CHST15: variants seen among roughly 807,000 people sequenced by gnomAD.
CHST15 encodes the protein B cell RAG associated protein (GALNAC4S-6ST).
CHST15 carries 30 observed loss-of-function variants against 53.6 expected under a neutral mutation model. The observed-to-expected ratio is 0.56, with a 90% CI of 0.42 to 0.76. The LOEUF is 0.76. Among genes scored for constraint, CHST15 ranks in the 30% least tolerant of loss-of-function variants. CHST15 has a pLI of 0.00. For missense variants in CHST15, 627 were observed against 740.5 expected (o/e 0.85, Z 1.78); for synonymous variants, 296 against 289.8 (o/e 1.02, Z -0.22).
Position 124,044,724 on chromosome 10 carries a change from A to C in CHST15, c.742T>G (p.Phe248Val), listed in dbSNP as rs531511922. 2.5e-6 allele frequency: 4 copies of C among 1,613,740 alleles called. No homozygotes were observed. The highest frequency in any genetic ancestry group is 1.7e-4 in the Middle Eastern group (1 of 6,056). ...GHLAHAHGKH[F>V]RLRCLPHFYI... ...AAGTGCGGCAGGCAGCGCAGGCGGA[A>C]GTGCTTCCCGTGCGCGTGCGCCAGG... The change falls in exon 3 of 8, where the codon TTC (phenylalanine) becomes GTC (valine). Residue 248 changes from phenylalanine (F) to valine (V), a missense_variant. This residue lies in a region of CHST15 where 161 missense variants were observed against 117.2 expected (regional missense o/e 1.37). Coordinates refer to ENST00000435907, the MANE Select transcript of CHST15 (RefSeq NM_001270764.2).
intron 1 of CHST15, among the ~76,000 whole-genome samples, chr10:124,059,942 C>A (rs76409295): frequency 0.016 from 2,505 of 152,188 alleles, 77 homozygotes; most frequent in East Asian, 0.1. Flanking sequence ...TAGAGCCAGG[C>A]GAGTGGAGTT....
At chr10:124,085,626 A>G (rs1949395855) in intron 1 of CHST15, among the ~76,000 whole-genome samples, 1 of 152,244 alleles carries the variant, frequency 6.6e-6, no homozygotes, top group African/African-American at 2.4e-5. Context: ...ATGTACCGTG[A>G]GCCCCAGACA....
In CHST15 at chr10:124,046,160, T is replaced by A. The variant is rs781491426; in HGVS notation, c.53A>T (p.Lys18Met). 3 of 1,614,028 alleles carry A rather than the reference T, an allele frequency of 1.9e-6. No homozygotes were observed. The East Asian group carries it at 6.7e-5, about 36-fold the overall frequency. ...GCCCCCTTGGCAGTTGACCTGCTGCTTGTGTGCGCCGTCGGGTAACAGCTG... is the reference window on the plus strand; with the variant it reads ...GCCCCCTTGGCAGTTGACCTGCTGCATGTGTGCGCCGTCGGGTAACAGCTG... ...CIQLLPDGAH[K>M]QQVNCQGGPH... The change falls in exon 2 of 8, where the codon AAG becomes ATG. Residue 18 changes from lysine (K) to methionine (M), a missense_variant. Physicochemically the swap from Lys to Met is moderately conservative, Grantham distance 95. This residue lies in a region of CHST15 where 187 missense variants were observed against 251.8 expected (regional missense o/e 0.74). Transcript: ENST00000435907.
chr10:124,055,342 G>A (rs929139097), intron 1 of CHST15, among the ~76,000 whole-genome samples: 7 of 152,054 alleles, frequency 4.6e-5, no homozygotes, highest in South Asian at 2.1e-4. Flanking sequence ...AGGAGCCCAC[G>A]TAAGAGCTCA....
chr10:124,033,416 G>A (rs1399338114), intron 5 of CHST15, among the ~76,000 whole-genome samples: 1 of 152,224 alleles, frequency 6.6e-6, no homozygotes, highest in Admixed American at 6.5e-5. Flanking sequence ...CTGAGGATCA[G>A]GTGCAGAACG....
At position 124,044,782 on chromosome 10, in the gene CHST15, G is replaced by C. The variant is rs745655048; in HGVS notation, c.684C>G (p.Thr228=). 6.2e-7 allele frequency: 1 copy of C among 1,610,798 alleles called. No homozygotes were observed. The highest frequency in any genetic ancestry group is 1.1e-5 in the South Asian group (1 of 90,680). ...YVLYSKRFRS[T]FDALRKAFWG... is the part of the protein sequence containing the mutation. Reference sequence around the variant, plus strand: ...AGAAGGCCTTGCGCAGGGCGTCGAAGGTGGAGCGGAAGCGCTTGGAGTAGA... The same window carrying C: ...AGAAGGCCTTGCGCAGGGCGTCGAACGTGGAGCGGAAGCGCTTGGAGTAGA... The change falls in exon 3 of 8, where the codon ACC becomes ACG. Residue 228 remains threonine, a synonymous_variant. Coordinates refer to ENST00000435907, the MANE Select transcript of CHST15 (RefSeq NM_001270764.2).
At chr10:124,031,476 C>T (rs987247834) in intron 5 of CHST15, among the ~76,000 whole-genome samples, 3 of 152,242 alleles carry the variant, frequency 2.0e-5, no homozygotes, top group African/African-American at 4.8e-5. Context: ...CAGCCTGTAC[C>T]GCAGGAATCC....
Position 124,047,765 on chromosome 10 carries a change from C to T in CHST15, c.-512-1041G>A, listed in dbSNP as rs1251209778. On this transcript the variant is annotated intron_variant, in intron 1 of 7. Coordinates refer to ENST00000435907, the MANE Select transcript of CHST15 (RefSeq NM_001270764.2). ...TATTTAGCATACCATAAAAGGTAGACAGCATTGATAATAATAGCATCATCA... is the reference window on the plus strand; with the variant it reads ...TATTTAGCATACCATAAAAGGTAGATAGCATTGATAATAATAGCATCATCA... Among the ~76,000 whole-genome samples the T allele has an allele frequency of 2.0e-5, 3 of 152,188 alleles. No homozygotes were observed. In the East Asian group the frequency reaches 5.8e-4, roughly 29 times the overall value.
At chr10:124,025,394 G>A (rs958512861) in intron 5 of CHST15, among the ~76,000 whole-genome samples, 2 of 152,218 alleles carry the variant, frequency 1.3e-5, no homozygotes, top group Non-Finnish European at 2.9e-5. Context: ...TTCCTCGGCT[G>A]GATGAAAAGA....
At chr10:124,047,202 G>GT (rs985929350) in intron 1 of CHST15, among the ~76,000 whole-genome samples, 1 of 152,152 alleles carries the variant, frequency 6.6e-6, no homozygotes, top group Non-Finnish European at 1.5e-5. Flanking sequence ...GAGAAAATGT[G>GT]TTTTTTCCCT....
Position 124,021,236 on chromosome 10 carries a change from CGGGGG to C in CHST15, c.1347+15_1347+19del. 17 of 1,286,672 alleles carry C rather than the reference CGGGGG, an allele frequency of 1.3e-5. No homozygotes were observed. The highest frequency in any genetic ancestry group is 1.8e-5 in the Non-Finnish European group (17 of 950,010). The allele number at this position is 1,286,672 out of a possible 1,614,324, so 79.7% of individuals were successfully genotyped here. ...CTGCCAGGGGCCAGCTCGGGGGGTACGGGGGGGGGGGGTACACACAGGCATGGCGT... is the reference window on the plus strand; with the variant it reads ...CTGCCAGGGGCCAGCTCGGGGGGTACGGGGGGGTACACACAGGCATGGCGT... On this transcript the variant is annotated intron_variant, in intron 6 of 7. Coordinates refer to ENST00000435907, the MANE Select transcript of CHST15 (RefSeq NM_001270764.2).
At chr10:124,073,488 G>A (rs1406705935) in intron 1 of CHST15, among the ~76,000 whole-genome samples, 3 of 152,212 alleles carry the variant, frequency 2.0e-5, no homozygotes, top group African/African-American at 7.2e-5. Context: ...GGTACTGGTT[G>A]CATAGGTGAG....
At chr10:124,023,204 G>T (rs1237768780) in intron 5 of CHST15, among the ~76,000 whole-genome samples, 2 of 152,094 alleles carry the variant, frequency 1.3e-5, no homozygotes, top group Non-Finnish European at 2.9e-5. Context: ...AAATGTCAGG[G>T]CCAGGCACAG....
At chr10:124,034,002 T>C (rs1456181136) in intron 5 of CHST15, among the ~76,000 whole-genome samples, 1 of 152,234 alleles carries the variant, frequency 6.6e-6, no homozygotes, top group Admixed American at 6.5e-5. Flanking sequence ...TAACACACGC[T>C]GCTGCCCTGG....
intron 1 of CHST15, among the ~76,000 whole-genome samples, chr10:124,065,638 C>T (rs569869990): frequency 1.1e-3 from 162 of 152,230 alleles, no homozygotes; most frequent in African/African-American, 3.6e-3. Context: ...GGTGATTCTG[C>T]GGGCCCCATT....
Position 124,036,177 on chromosome 10 carries a change from G to A in CHST15, c.1190+2338C>T, listed in dbSNP as rs375633719. 1.3e-5 allele frequency among the ~76,000 whole-genome samples: 2 copies of A among 152,204 alleles called. No individual in the cohort carries two copies. Among genetic ancestry groups the A allele is most frequent in the African/African-American group, 2.4e-5 (1 of 41,448 alleles). On this transcript the variant is annotated intron_variant, in intron 5 of 7. Transcript: ENST00000435907. The surrounding 1 kb of genome is among the most constrained non-coding windows in gnomAD (Gnocchi z 5.1). ...GCAGAGCAGCTATGCAAACACCTCCGGGGGCGGCGAGGGGTCAGCTCGAGG... is the reference window on the plus strand; with the variant it reads ...GCAGAGCAGCTATGCAAACACCTCCAGGGGCGGCGAGGGGTCAGCTCGAGG...
chr10:124,089,341 A>G (rs950039867), intron 1 of CHST15, among the ~76,000 whole-genome samples: 7 of 152,214 alleles, frequency 4.6e-5, no homozygotes, highest in African/African-American at 1.7e-4. Flanking sequence ...CTCTTCTTTC[A>G]TACAAATATG....
In CHST15 at chr10:124,008,666, A is replaced by C; in HGVS notation, c.*1483T>G. 1 of 1,049,622 alleles carries C rather than the reference A, an allele frequency of 9.5e-7. No homozygotes were observed. The allele number at this position is 1,049,622 out of a possible 1,614,324, so 65.0% of individuals were successfully genotyped here. A position where few individuals can be genotyped will look rare whatever the true frequency, so the allele number is the denominator to read the frequency against. ...CAACTGCAGATCCTCCTACCCCCGA[A>C]GCCTGGTCTGTCTCACACATACAAG... On this transcript the variant is annotated 3_prime_UTR_variant, in exon 8 of 8. Transcript: ENST00000435907.
intron 7 of CHST15, chr10:124,011,615 A>G: frequency 1.0e-6 from 1 of 985,422 alleles, no homozygotes. Context: ...CCCCGTCCAC[A>G]TGGGCAGCAC....
Sources: gnomAD v4.1 joint callset for allele counts (sites outside exome capture counted in the v4.1 genomes callset) on GRCh38, gnomAD v4.1.1 for gene constraint, gnomAD v4.1.1 regional missense constraint, Gnocchi (gnomAD v3.1) non-coding constraint, MANE v1.5 for transcripts, NCBI Gene and HGNC (gene_info 2026-07-23, HGNC 2026-07-21) for gene names.